DUSP10: variants seen among roughly 807,000 people sequenced by gnomAD.
DUSP10 encodes dual specificity phosphatase 10.
DUSP10 carries 14 observed loss-of-function variants against 30.8 expected under a neutral mutation model. The observed-to-expected ratio is 0.46, with a 90% CI of 0.30 to 0.71. The LOEUF is 0.71. Among genes scored for constraint, DUSP10 ranks in the 30% least tolerant of loss-of-function variants. DUSP10 has a pLI of 0.08. For synonymous variants in DUSP10, 254 were observed against 250.4 expected, an observed-to-expected ratio of 1.01 and a Z score of -0.14; for missense variants, 550 against 619.4, an observed-to-expected ratio of 0.89 and a Z score of 1.19.
chr1:221,703,784 C>T (rs1660678656), intron 3 of DUSP10, among the ~76,000 whole-genome samples: 1 of 152,082 alleles, frequency 6.6e-6, no homozygotes, highest in Admixed American at 6.5e-5. Context: ...ATTAGATAAA[C>T]AGGTAGGGAA....
chr1:221,717,649 A>C (rs6678488), intron 2 of DUSP10, among the ~76,000 whole-genome samples: 60,669 of 151,892 alleles, frequency 0.4, 12,552 homozygotes, highest in South Asian at 0.51. Flanking sequence ...CCTAATCCCC[A>C]GCGTGAGGTC....
chr1:221,712,630 A>G (rs1333130876), intron 2 of DUSP10, among the ~76,000 whole-genome samples: 1 of 152,132 alleles, frequency 6.6e-6, no homozygotes, highest in Non-Finnish European at 1.5e-5. Context: ...TTGGCTTGCT[A>G]TATTATTAAG....
intron 2 of DUSP10, among the ~76,000 whole-genome samples, chr1:221,735,394 G>A (rs1661736294): frequency 1.3e-5 from 2 of 152,172 alleles, no homozygotes; most frequent in South Asian, 2.1e-4. Flanking sequence ...AGAGGGATTC[G>A]AAGTTGAAAA....
chr1:221,738,176 C>A (rs1661836159), intron 2 of DUSP10, among the ~76,000 whole-genome samples: 1 of 152,166 alleles, frequency 6.6e-6, no homozygotes, highest in Non-Finnish European at 1.5e-5. Context: ...GAGCTCAGTT[C>A]TGCTAATCTC....
chr1:221,706,363 G>A lies in DUSP10; in HGVS notation c.915C>T (p.Ser305=). The change falls in exon 3 of 4, where the codon AGC becomes AGT. Residue 305 remains serine (S), a synonymous_variant. Transcript: ENST00000366899. The surrounding 1 kb of genome is among the most constrained non-coding windows in gnomAD (Gnocchi z 4.6). The stretch of plus-strand genomic sequence containing the variant: ...TGGTGGGGATGGGCTGAGGTAGCAA[G>A]CTCGAGGCCGCGGATGCGCCGCCCC... The part of the protein sequence containing the change: ...EVGGGASAAS[S]LLPQPIPTTP... 1.2e-6 allele frequency: 2 copies of A among 1,600,724 alleles called. No homozygotes were observed. Among genetic ancestry groups the A allele is most frequent in the Non-Finnish European group, 1.7e-6 (2 of 1,170,850 alleles).
intron 3 of DUSP10, among the ~76,000 whole-genome samples, chr1:221,704,566 A>T (rs1466885592): frequency 6.6e-6 from 1 of 152,224 alleles, no homozygotes; most frequent in East Asian, 1.9e-4. Flanking sequence ...GGTTTGGCTC[A>T]GATTTTATTA....
chr1:221,713,530 A>C (rs1006310466), intron 2 of DUSP10, among the ~76,000 whole-genome samples: 8 of 152,164 alleles, frequency 5.3e-5, no homozygotes, highest in African/African-American at 1.9e-4. Context: ...CACACACACA[A>C]CTTTTTCATA....
At position 221,739,455 on chromosome 1, in the gene DUSP10, A is replaced by G. The variant is rs775665938; in HGVS notation, c.290T>C (p.Ile97Thr). ...DKDNQAQTQA[I>T]AAGTTTTAIG... ...GGCAGTGGTGGTGGTGCCAGCGGCA[A>G]TGGCTTGGGTTTGGGCCTGATTGTC... is the stretch of plus-strand genomic sequence containing the variant. The change falls in exon 2 of 4, where the codon ATT becomes ACT. Residue 97 changes from isoleucine (I) to threonine (T), a missense_variant. Physicochemically the swap from Ile to Thr is moderately conservative, Grantham distance 89. Coordinates refer to ENST00000366899, the MANE Select transcript of DUSP10 (RefSeq NM_007207.6). The G allele has an allele frequency of 1.4e-5, 22 of 1,614,168 alleles. No homozygotes were observed. Among genetic ancestry groups the G allele is most frequent in the Non-Finnish European group, 1.9e-5 (22 of 1,180,038 alleles).
At chr1:221,719,165 G>C (rs1393466731) in intron 2 of DUSP10, among the ~76,000 whole-genome samples, 3 of 152,172 alleles carry the variant, frequency 2.0e-5, no homozygotes, top group Non-Finnish European at 2.9e-5. Context: ...GGAAGTGGTA[G>C]GGGAAAGGAT....
intron 3 of DUSP10, among the ~76,000 whole-genome samples, chr1:221,705,855 G>C (rs1049774777): frequency 1.3e-5 from 2 of 152,196 alleles, no homozygotes; most frequent in Non-Finnish European, 2.9e-5. Context: ...AGGATTTCTA[G>C]TTGAACAGAT....
chr1:221,713,685 T>C (rs1355662487), intron 2 of DUSP10, among the ~76,000 whole-genome samples: 1 of 152,224 alleles, frequency 6.6e-6, no homozygotes, highest in African/African-American at 2.4e-5. Context: ...TCTTTTAAAA[T>C]GTATTTTCCT....
At chr1:221,718,848 G>A (rs911560565) in intron 2 of DUSP10, among the ~76,000 whole-genome samples, 2 of 152,208 alleles carry the variant, frequency 1.3e-5, no homozygotes, top group African/African-American at 2.4e-5. Flanking sequence ...CTTCAGAAAT[G>A]TCACATGCGA....
chr1:221,709,320 A>T (rs1248311291), intron 2 of DUSP10, among the ~76,000 whole-genome samples: 1 of 150,816 alleles, frequency 6.6e-6, no homozygotes, highest in Non-Finnish European at 1.5e-5. Flanking sequence ...GGGGAAAAAA[A>T]CCCGTGGCGG....
At chr1:221,740,290 G>A (rs1661913503) in intron 1 of DUSP10, among the ~76,000 whole-genome samples, 1 of 152,232 alleles carries the variant, frequency 6.6e-6, no homozygotes, top group African/African-American at 2.4e-5. Context: ...GAAAGGTACA[G>A]CAGCTAAATA....
intron 2 of DUSP10, among the ~76,000 whole-genome samples, chr1:221,709,079 C>T (rs1341675935): frequency 2.6e-5 from 4 of 151,620 alleles, no homozygotes; most frequent in Admixed American, 2.6e-4. Context: ...TTTTAAAATT[C>T]TGCCTCTACA....
At chr1:221,714,237 G>C (rs764173392) in intron 2 of DUSP10, among the ~76,000 whole-genome samples, 4 of 152,166 alleles carry the variant, frequency 2.6e-5, no homozygotes, top group Non-Finnish European at 4.4e-5. Flanking sequence ...AGTGATACAG[G>C]AGTTAAGAAG....
chr1:221,702,857 A>C lies in DUSP10; in HGVS notation c.1184-180T>G, dbSNP rs993069579. On this transcript the variant is annotated intron_variant, in intron 3 of 3. Transcript: ENST00000366899. This position sits in a 1 kb window ranked among gnomAD's most constrained non-coding sequence, Gnocchi z 4.5. ...GTATACTTATGTCACAACTTCCAGA[A>C]CTGGCTAAAGTTGATATCAGCACGA... Among the ~76,000 whole-genome samples the C allele has an allele frequency of 1.3e-5, 2 of 152,236 alleles. No individual in the cohort carries two copies. Among genetic ancestry groups the C allele is most frequent in the African/African-American group, 4.8e-5 (2 of 41,456 alleles).
At chr1:221,731,399 C>T (rs1040996659) in intron 2 of DUSP10, among the ~76,000 whole-genome samples, 3 of 150,934 alleles carry the variant, frequency 2.0e-5, no homozygotes, top group African/African-American at 7.4e-5. Flanking sequence ...CTATCATCAA[C>T]ATGTACAAAA....
At chr1:221,734,094 C>G (rs998756417) in intron 2 of DUSP10, among the ~76,000 whole-genome samples, 2 of 152,130 alleles carry the variant, frequency 1.3e-5, no homozygotes, top group African/African-American at 2.4e-5. Flanking sequence ...CCAGCGCACC[C>G]CTCCTTCCAT....
Sources: gnomAD v4.1 joint callset for allele counts (sites outside exome capture counted in the v4.1 genomes callset) on GRCh38, gnomAD v4.1.1 for gene constraint, Gnocchi (gnomAD v3.1) non-coding constraint, MANE v1.5 for transcripts, NCBI Gene and HGNC (gene_info 2026-07-23, HGNC 2026-07-21) for gene names.